The following RBFOX1 variants were observed in gnomAD, a reference collection of about 807,000 sequenced individuals.
The protein encoded by RBFOX1 is RNA binding fox-1 homolog 1, also known as RNA binding protein fox-1 homolog 1.
A neutral mutation model predicts 57.7 loss-of-function variants in RBFOX1; 8 were observed. The observed-to-expected ratio is 0.14, with a 90% CI of 0.08 to 0.25. The LOEUF (loss-of-function observed/expected upper bound fraction) is 0.25, where lower values mean the gene tolerates loss of function less well. RBFOX1 is among the 10% of genes least tolerant of loss of function. RBFOX1 has a pLI of 1.00. For synonymous variants in RBFOX1, 326 were observed against 222.4 expected, an observed-to-expected ratio of 1.47 and a Z score of -4.15; for missense variants, 611 against 548.5, an observed-to-expected ratio of 1.11 and a Z score of -1.14.
chr16:6,611,489 G>C (rs962400351), intron 2 of RBFOX1, among the ~76,000 whole-genome samples: 1 of 152,236 alleles, frequency 6.6e-6, no homozygotes, highest in Admixed American at 6.5e-5. Flanking sequence ...TTCCCTCGGA[G>C]AGGTCTCCTT....
intron 2 of RBFOX1, among the ~76,000 whole-genome samples, chr16:6,373,705 G>A (rs74007312): frequency 0.015 from 2,306 of 152,204 alleles, 70 homozygotes; most frequent in African/African-American, 0.053. Flanking sequence ...AGAGCATTTG[G>A]GTTAGGGGAT....
At chr16:6,440,941 G>T (rs2153026107) in intron 2 of RBFOX1, among the ~76,000 whole-genome samples, 1 of 152,272 alleles carries the variant, frequency 6.6e-6, no homozygotes, top group Middle Eastern at 3.4e-3. Context: ...TTGATATTCA[G>T]AGCTGGAGAG....
chr16:5,775,525 G>T (rs1385194094), intron 3 of RBFOX1, among the ~76,000 whole-genome samples: 2 of 152,202 alleles, frequency 1.3e-5, no homozygotes, highest in Non-Finnish European at 2.9e-5. Flanking sequence ...AAATTAAGGA[G>T]CCTTATATGG....
chr16:7,295,424 A>C (rs2095869717), intron 4 of RBFOX1, among the ~76,000 whole-genome samples: 2 of 152,186 alleles, frequency 1.3e-5, no homozygotes, highest in South Asian at 4.1e-4. Context: ...ACCTCATAAT[A>C]ATAGTTGCTA....
chr16:6,648,553 G>C (rs1267363119), intron 2 of RBFOX1, among the ~76,000 whole-genome samples: 1 of 152,110 alleles, frequency 6.6e-6, no homozygotes, highest in Non-Finnish European at 1.5e-5. Context: ...ATTACCCGCA[G>C]CCCTGTCCTC....
chr16:5,892,814 A>G (rs1217998843), intron 4 of RBFOX1, among the ~76,000 whole-genome samples: 2 of 152,164 alleles, frequency 1.3e-5, no homozygotes, highest in Non-Finnish European at 2.9e-5. Context: ...GGCCAAGTCA[A>G]GGCACTGTGC....
At chr16:7,005,791 T>C (rs995039681) in intron 3 of RBFOX1, among the ~76,000 whole-genome samples, 1 of 152,066 alleles carries the variant, frequency 6.6e-6, no homozygotes, top group African/African-American at 2.4e-5. Context: ...AAGATGACCA[T>C]TCATCTTCTT....
intron 3 of RBFOX1, among the ~76,000 whole-genome samples, chr16:5,734,279 C>T (rs2052492251): frequency 6.6e-6 from 1 of 151,902 alleles, no homozygotes; most frequent in Admixed American, 6.5e-5. Flanking sequence ...GCCTGGGCAA[C>T]AGAGACCCCA....
At chr16:6,681,823 C>G (rs531129503) in intron 3 of RBFOX1, among the ~76,000 whole-genome samples, 1 of 152,102 alleles carries the variant, frequency 6.6e-6, no homozygotes, top group Non-Finnish European at 1.5e-5. Flanking sequence ...TCTTTTCAGC[C>G]GGGATACTCT....
At chr16:5,978,770 A>T (rs2060118544) in intron 4 of RBFOX1, among the ~76,000 whole-genome samples, 1 of 150,612 alleles carries the variant, frequency 6.6e-6, no homozygotes, top group Non-Finnish European at 1.5e-5. Flanking sequence ...GGTTTGGCTG[A>T]TGTGTTTCTC....
chr16:6,854,017 T>A (rs914650336), intron 3 of RBFOX1, among the ~76,000 whole-genome samples: 2 of 152,146 alleles, frequency 1.3e-5, no homozygotes, highest in South Asian at 2.1e-4. Context: ...GAAAGAAAGG[T>A]AGAAGGAAGG....
chr16:6,209,859 C>G lies in RBFOX1; in HGVS notation c.-126-107136C>G, dbSNP rs74006942. ...ATCGATAGAAACATGGTATGAAGGT[C>G]TATGCTCAGTTTCTTATTAGTTTCA... On this transcript the variant is annotated intron_variant, in intron 1 of 15. Transcript: ENST00000550418. Among the ~76,000 whole-genome samples, 988 of 152,322 alleles carry G rather than the reference C, an allele frequency of 6.5e-3. 10 individuals carry two copies. Among genetic ancestry groups the G allele is most frequent in the African/African-American group, 0.022 (917 of 41,580 alleles).
In RBFOX1 at chr16:5,946,349, A is replaced by G. The variant is rs944406500; in HGVS notation, c.351+79014A>G. 3.9e-5 allele frequency among the ~76,000 whole-genome samples: 6 copies of G among 152,174 alleles called. No individual in the cohort carries two copies. The highest frequency in any genetic ancestry group is 3.9e-4 in the Admixed American group (6 of 15,280). On this transcript the variant is annotated intron_variant, in intron 4 of 19. Transcript: ENST00000641259. The surrounding 1 kb of genome is among the most constrained non-coding windows in gnomAD (Gnocchi z 4.6). ...GATGTGAGTGTGTCTTCAATGATTT[A>G]CTTCTCCATTCCTTTTCTTTTCGTT...
chr16:6,852,387 C>G (rs369849923), intron 3 of RBFOX1, among the ~76,000 whole-genome samples: 2 of 152,192 alleles, frequency 1.3e-5, no homozygotes, highest in Non-Finnish European at 2.9e-5. Flanking sequence ...AGTTCAGTCA[C>G]ATCAGCAAGG....
chr16:6,299,854 C>T (rs895461938), intron 1 of RBFOX1, among the ~76,000 whole-genome samples: 3 of 152,126 alleles, frequency 2.0e-5, no homozygotes, highest in African/African-American at 7.2e-5. Flanking sequence ...TTAAAAACAC[C>T]AACCTCAGAT....
At chr16:7,375,997 A>G (rs11861169) in intron 4 of RBFOX1, among the ~76,000 whole-genome samples, 25,348 of 152,172 alleles carry the variant, frequency 0.17, 3,247 homozygotes, top group African/African-American at 0.36. Flanking sequence ...CCCACAAGCC[A>G]GGGAATGGGA....
chr16:7,291,671 A>ATGGG (rs1279948002), intron 4 of RBFOX1, among the ~76,000 whole-genome samples: 1 of 151,890 alleles, frequency 6.6e-6, no homozygotes, highest in African/African-American at 2.4e-5. Context: ...AGCAGCAAGG[A>ATGGG]TGGGACCTTG....
At chr16:7,138,978 A>G (rs779378419) in intron 4 of RBFOX1, among the ~76,000 whole-genome samples, 1 of 151,954 alleles carries the variant, frequency 6.6e-6, no homozygotes, top group Non-Finnish European at 1.5e-5. Flanking sequence ...TAATTTTTAT[A>G]TTTTTAGTAG....
At position 5,540,997 on chromosome 16, in the gene RBFOX1, G is replaced by A. The variant is rs142783681; in HGVS notation, c.259-57905G>A. On this transcript the variant is annotated intron_variant, in intron 2 of 2. Transcript: ENST00000585867. The stretch of plus-strand genomic sequence containing the variant: ...CCTGAGTAGCTGGGACTACAAACAT[G>A]TGCTACCCCGCCTGGCTAATTTTTG... 8.2e-3 allele frequency among the ~76,000 whole-genome samples: 1,249 copies of A among 152,118 alleles called. 10 individuals carry two copies. Among genetic ancestry groups the A allele is most frequent in the Non-Finnish European group, 0.013 (896 of 67,970 alleles).
Sources: gnomAD v4.1 joint callset for allele counts (sites outside exome capture counted in the v4.1 genomes callset) on GRCh38, gnomAD v4.1.1 for gene constraint, Gnocchi (gnomAD v3.1) non-coding constraint, MANE v1.5 for transcripts, NCBI Gene and HGNC (gene_info 2026-07-23, HGNC 2026-07-21) for gene names.